Variants in CFAP44 observed in about 807,000 individuals in gnomAD.
CFAP44 encodes cilia and flagella associated protein 44.
CFAP44 carries 134 observed loss-of-function variants against 216.2 expected under a neutral mutation model. That is an observed-to-expected ratio of 0.62 (90% CI 0.54 to 0.72). The LOEUF (loss-of-function observed/expected upper bound fraction) is 0.72, where lower values mean the gene tolerates loss of function less well. CFAP44 is among the 30% of genes least tolerant of loss of function. The probability of loss-of-function intolerance (pLI) is 0.00; values close to 1 mark genes in which losing one functional copy is unlikely to be tolerated. For synonymous variants in CFAP44, 700 were observed against 727.6 expected, an observed-to-expected ratio of 0.96 and a Z score of 0.61; for missense variants, 2,035 against 2,182.1, an observed-to-expected ratio of 0.93 and a Z score of 1.34.
chr3:113,410,618 G>T (rs1421226658), intron 6 of CFAP44, among the ~76,000 whole-genome samples: 1 of 152,178 alleles, frequency 6.6e-6, no homozygotes, highest in East Asian at 1.9e-4. Flanking sequence ...ACATGTGCAT[G>T]TGTCTTTATA....
intron 1 of CFAP44, among the ~76,000 whole-genome samples, chr3:113,438,701 C>G (rs1026252033): frequency 3.9e-5 from 6 of 152,184 alleles, no homozygotes; most frequent in African/African-American, 1.2e-4. Context: ...AAGCTGAAAT[C>G]TGCCTCCCTG....
intron 33 of CFAP44, among the ~76,000 whole-genome samples, chr3:113,295,893 A>G (rs1949875032): frequency 6.6e-6 from 1 of 152,236 alleles, no homozygotes; most frequent in South Asian, 2.1e-4. Context: ...TAAAACTGTC[A>G]GAGCATTTAT....
Position 113,291,531 on chromosome 3 carries a change from T to C in CFAP44, c.*26A>G, listed in dbSNP as rs754232585. 9.8e-6 allele frequency: 15 copies of C among 1,529,308 alleles called. No individual in the cohort carries two copies. Among genetic ancestry groups the C allele is most frequent in the Non-Finnish European group, 7.0e-6 (8 of 1,140,724 alleles). 94.7% of individuals were successfully genotyped at this position (1,529,308 alleles called of 1,614,324 possible). On this transcript the variant is annotated 3_prime_UTR_variant, in exon 35 of 35. Transcript: ENST00000393845. ...TTCCAGTGAGTTATGTCAGAAATCT[T>C]GTATGGGTTTGAGAAAATAGCAAAC...
At chr3:113,346,101 AC>A (rs1186886937) in intron 22 of CFAP44, among the ~76,000 whole-genome samples, 1 of 152,200 alleles carries the variant, frequency 6.6e-6, no homozygotes, top group Non-Finnish European at 1.5e-5. Context: ...TTGTAAACAC[AC>A]CAATCAGTGC....
intron 18 of CFAP44, among the ~76,000 whole-genome samples, chr3:113,369,782 T>A (rs1192442808): frequency 1.3e-5 from 2 of 151,940 alleles, no homozygotes; most frequent in Non-Finnish European, 2.9e-5. Context: ...AATCAATGAA[T>A]CCAGGAGCTG....
intron 28 of CFAP44, among the ~76,000 whole-genome samples, chr3:113,309,128 T>G (rs1458204891): frequency 6.6e-6 from 1 of 152,198 alleles, no homozygotes; most frequent in Non-Finnish European, 1.5e-5. Flanking sequence ...TTCCTGACCT[T>G]GAGCTGTGTC....
chr3:113,342,020 A>C, intron 23 of CFAP44, 102 bp from the exon 24 acceptor site: 1 of 1,307,074 alleles, frequency 7.7e-7, no homozygotes, highest in Non-Finnish European at 1.0e-6. Flanking sequence ...CAGAGAATAT[A>C]TTGAATTTGT....
chr3:113,313,961 G>A (rs1398980456), intron 28 of CFAP44, among the ~76,000 whole-genome samples: 1 of 152,086 alleles, frequency 6.6e-6, no homozygotes, highest in Admixed American at 6.5e-5. Context: ...GGAGACAGAA[G>A]AGAATCAATA....
Position 113,318,949 on chromosome 3 carries a change from T to TA in CFAP44, c.4516+7495dup, listed in dbSNP as rs1398034938. 7.9e-5 allele frequency among the ~76,000 whole-genome samples: 10 copies of TA among 127,238 alleles called. No homozygotes were observed. In the East Asian group the frequency reaches 1.7e-3, roughly 21 times the overall value. 83.5% of individuals were successfully genotyped at this position (127,238 alleles called of 152,430 possible). On this transcript the variant is annotated intron_variant, in intron 28 of 34. Coordinates refer to ENST00000393845, the MANE Select transcript of CFAP44 (RefSeq NM_001164496.2). ...GGAGTGTTAAACATGGACTCAAAAA[T>TA]AAAAAAACAAAAAAAAACAAAAAAA...
intron 15 of CFAP44, among the ~76,000 whole-genome samples, chr3:113,393,288 A>G (rs1421834859): frequency 2.6e-5 from 4 of 152,188 alleles, no homozygotes; most frequent in African/African-American, 4.8e-5. Context: ...TGACTTTTAA[A>G]TTATGCTGAG....
chr3:113,396,628 G>A lies in CFAP44; in HGVS notation c.1669C>T (p.Arg557Trp), dbSNP rs113101974. ...ATATCAGCATCCAAAATTTTCTTCC[G>A]TCCCGCAAAAATCGTGAGCCCTTTT... ...DPKGLTIFAG[R>W]KKILDADIQL... Residue 557 changes from arginine to tryptophan, a missense_variant, in exon 14 of 35, where the codon CGG becomes TGG. Physicochemically the swap from Arg to Trp is moderately radical, Grantham distance 101. Around this residue, in one of 3 missense-constraint regions of CFAP44, gnomAD observed 1,883 missense variants for 2,023.7 expected, o/e 0.93. Transcript: ENST00000393845. The A allele has an allele frequency of 5.8e-5, 94 of 1,614,028 alleles. No homozygotes were observed. Among genetic ancestry groups the A allele is most frequent in the Middle Eastern group, 3.3e-4 (2 of 6,062 alleles).
Position 113,401,445 on chromosome 3 carries a change from T to C in CFAP44, c.1326+139A>G, listed in dbSNP as rs1398495557. ...TGAAATTTAATAAAAACAACTTCTATATTTTAGACTAAAGCCACACAATAA... is the reference window on the plus strand; with the variant it reads ...TGAAATTTAATAAAAACAACTTCTACATTTTAGACTAAAGCCACACAATAA... On this transcript the variant is annotated intron_variant, in intron 10 of 34. Transcript: ENST00000393845. 3 of 1,220,866 alleles carry C rather than the reference T, an allele frequency of 2.5e-6. No individual in the cohort carries two copies. In the African/African-American group the frequency reaches 4.7e-5, roughly 19 times the overall value. The allele number at this position is 1,220,866 out of a possible 1,614,324, so 75.6% of individuals were successfully genotyped here. A position where few individuals can be genotyped will look rare whatever the true frequency, so the allele number is the denominator to read the frequency against.
chr3:113,334,141 G>A (rs943986301), intron 24 of CFAP44, among the ~76,000 whole-genome samples: 3 of 151,966 alleles, frequency 2.0e-5, no homozygotes, highest in Non-Finnish European at 2.9e-5. Context: ...TAGTAGAGAC[G>A]GGGTTTCATC....
At chr3:113,419,283 T>C (rs1243420482) in intron 5 of CFAP44, among the ~76,000 whole-genome samples, 1 of 152,126 alleles carries the variant, frequency 6.6e-6, no homozygotes, top group African/African-American at 2.4e-5. Context: ...ATCATGTACT[T>C]GTGTGTCTAG....
chr3:113,327,194 T>C (rs182242538), intron 27 of CFAP44, among the ~76,000 whole-genome samples: 17 of 152,284 alleles, frequency 1.1e-4, no homozygotes, highest in Admixed American at 7.2e-4. Context: ...TTCAATCATA[T>C]ATTACACTGA....
At chr3:113,312,038 G>A (rs987734891) in intron 28 of CFAP44, among the ~76,000 whole-genome samples, 10 of 151,456 alleles carry the variant, frequency 6.6e-5, no homozygotes, top group Admixed American at 6.6e-4. Flanking sequence ...TACTGTTAAA[G>A]GCATTCAGTT....
chr3:113,434,242 T>G (rs1286364787), intron 1 of CFAP44, among the ~76,000 whole-genome samples: 1 of 152,126 alleles, frequency 6.6e-6, no homozygotes, highest in Non-Finnish European at 1.5e-5. Context: ...TGGGCATGTA[T>G]AGCAAGAAGC....
rs766113265 is a variant in CFAP44, at chr3:113,427,236, C to G, written c.204G>C (p.Leu68Phe). The change falls in exon 3 of 35, where the codon TTG becomes TTC. Residue 68 changes from leucine (L) to phenylalanine (F), a missense_variant. Transcript: ENST00000393845. ...YLEEDSDEER[L>F]EGSLSSFQYG... Reference sequence around the variant, plus strand: ...ACTGAAATGAACTCAAACTTCCTTCCAAACGTTCCTCATCTGAGTCTTCTT... The same window carrying G: ...ACTGAAATGAACTCAAACTTCCTTCGAAACGTTCCTCATCTGAGTCTTCTT... 2.5e-6 allele frequency: 4 copies of G among 1,613,580 alleles called. No individual in the cohort carries two copies. The highest frequency in any genetic ancestry group is 1.7e-4 in the Middle Eastern group (1 of 6,058).
intron 24 of CFAP44, among the ~76,000 whole-genome samples, chr3:113,335,713 T>G (rs1950276491): frequency 6.6e-6 from 1 of 152,266 alleles, no homozygotes; most frequent in African/African-American, 2.4e-5. Context: ...ATAGAAGATA[T>G]GAAAAACATT....
Sources: gnomAD v4.1 joint callset for allele counts (sites outside exome capture counted in the v4.1 genomes callset) on GRCh38, gnomAD v4.1.1 for gene constraint, gnomAD v4.1.1 regional missense constraint, MANE v1.5 for transcripts, NCBI Gene and HGNC (gene_info 2026-07-23, HGNC 2026-07-21) for gene names.